The following RIMS2 variants were observed in gnomAD, a reference collection of about 807,000 sequenced individuals.
The protein encoded by RIMS2 is regulating synaptic membrane exocytosis protein 2.
Under a neutral mutation model 174.4 loss-of-function variants are expected in RIMS2, and 59 were observed. The ratio of observed to expected loss-of-function variants is 0.34; its 90% confidence interval spans 0.27 to 0.42. RIMS2 has a LOEUF of 0.42. Among genes scored for constraint, RIMS2 ranks in the 10% least tolerant of loss-of-function variants. The probability of loss-of-function intolerance (pLI) is 1.00; values close to 1 mark genes in which losing one functional copy is unlikely to be tolerated. For synonymous variants in RIMS2, 606 were observed against 572.5 expected (o/e 1.06, Z -0.84); for missense variants, 1,620 against 1,666.3 (o/e 0.97, Z 0.48).
At chr8:103,868,618 A>AT (rs1195985559) in intron 3 of RIMS2, among the ~76,000 whole-genome samples, 1 of 152,168 alleles carries the variant, frequency 6.6e-6, no homozygotes, top group African/African-American at 2.4e-5. Flanking sequence ...GTTTGGTTAA[A>AT]TTTTTTTCAT....
At chr8:103,819,395 G>A in intron 3 of RIMS2, 1 of 1,572,368 alleles carries the variant, frequency 6.4e-7, no homozygotes, top group Non-Finnish European at 8.5e-7. Flanking sequence ...ACAGAGCTCA[G>A]GAGAAATATG....
At chr8:103,795,903 A>G (rs2154447283) in intron 3 of RIMS2, among the ~76,000 whole-genome samples, 1 of 152,316 alleles carries the variant, frequency 6.6e-6, no homozygotes, top group East Asian at 1.9e-4. Flanking sequence ...AATATTTCAA[A>G]ATCGAGACAT....
intron 4 of RIMS2, among the ~76,000 whole-genome samples, chr8:103,905,566 G>C (rs890723715): frequency 6.6e-6 from 1 of 151,562 alleles, no homozygotes; most frequent in Non-Finnish European, 1.5e-5. Context: ...GATATCTTTG[G>C]GTATTGTTTG....
At chr8:103,965,032 A>C (rs2091427110) in intron 15 of RIMS2, among the ~76,000 whole-genome samples, 1 of 152,192 alleles carries the variant, frequency 6.6e-6, no homozygotes, top group African/African-American at 2.4e-5. Flanking sequence ...TCGTTGACCA[A>C]AGAGTACCAC....
chr8:103,648,551 T>A (rs139613094), intron 1 of RIMS2, among the ~76,000 whole-genome samples: 211 of 152,284 alleles, frequency 1.4e-3, no homozygotes, highest in African/African-American at 4.7e-3. Flanking sequence ...TGTTAAAGTC[T>A]CCCACTATTA....
Position 104,247,695 on chromosome 8 carries a change from T to G in RIMS2, c.3477-1006T>G, listed in dbSNP as rs534472790. On this transcript the variant is annotated intron_variant, in intron 20 of 23. Transcript: ENST00000504942. Reference sequence around the variant, plus strand: ...AGAGTTTGGATTTTTTGTTTGTGTGTTTGCAGTCGGGGGACAGGAGCATGG... The same window carrying G: ...AGAGTTTGGATTTTTTGTTTGTGTGGTTGCAGTCGGGGGACAGGAGCATGG... Among the ~76,000 whole-genome samples the G allele has an allele frequency of 2.0e-5, 3 of 152,274 alleles. No homozygotes were observed. The South Asian group carries it at 6.2e-4, about 32-fold the overall frequency.
At chr8:103,502,640 T>C (rs952491019) in intron 1 of RIMS2, among the ~76,000 whole-genome samples, 8 of 152,124 alleles carry the variant, frequency 5.3e-5, no homozygotes, top group Non-Finnish European at 1.0e-4. Context: ...TGCTTAACTT[T>C]TTTTTTGTAT....
chr8:104,133,056 G>A (rs2098485579), intron 19 of RIMS2, among the ~76,000 whole-genome samples: 1 of 152,148 alleles, frequency 6.6e-6, no homozygotes, highest in South Asian at 2.1e-4. Context: ...GGTAAAGTTG[G>A]TAACTAAAAA....
At chr8:103,928,945 T>C (rs1057507125) in intron 11 of RIMS2, among the ~76,000 whole-genome samples, 1 of 151,552 alleles carries the variant, frequency 6.6e-6, no homozygotes, top group African/African-American at 2.4e-5. Flanking sequence ...TGTTATAAAG[T>C]GATGTACCTA....
intron 1 of RIMS2, among the ~76,000 whole-genome samples, chr8:103,688,896 G>A (rs2096976543): frequency 6.6e-6 from 1 of 151,426 alleles, no homozygotes; most frequent in African/African-American, 2.4e-5. Context: ...ACTAACTTTG[G>A]GCTTAGTTTG....
At chr8:104,217,306 T>C (rs2099134840) in intron 19 of RIMS2, among the ~76,000 whole-genome samples, 1 of 152,102 alleles carries the variant, frequency 6.6e-6, no homozygotes, top group Non-Finnish European at 1.5e-5. Flanking sequence ...TCCTGCTTTG[T>C]TACCCAGGCT....
chr8:103,579,801 C>T (rs1158146027), intron 1 of RIMS2, among the ~76,000 whole-genome samples: 2 of 152,274 alleles, frequency 1.3e-5, no homozygotes, highest in East Asian at 1.9e-4. Context: ...ACTCACAGTT[C>T]TGCAGGCTGT....
At chr8:104,114,963 T>C (rs948410170) in intron 19 of RIMS2, among the ~76,000 whole-genome samples, 2 of 152,208 alleles carry the variant, frequency 1.3e-5, no homozygotes, top group African/African-American at 4.8e-5. Context: ...CAATATTTCT[T>C]TGTAAATTGA....
At chr8:104,131,837 T>C (rs1003067984) in intron 19 of RIMS2, among the ~76,000 whole-genome samples, 2 of 152,152 alleles carry the variant, frequency 1.3e-5, no homozygotes, top group African/African-American at 4.8e-5. Context: ...TTCTGGCAAA[T>C]ACCTTTATGT....
chr8:104,098,275 A>G (rs1288666939), intron 19 of RIMS2, among the ~76,000 whole-genome samples: 1 of 152,154 alleles, frequency 6.6e-6, no homozygotes, highest in Non-Finnish European at 1.5e-5. Flanking sequence ...ATGAAATTAA[A>G]CATGTTAAAA....
rs1353852200 is a variant in RIMS2, at chr8:104,218,461, G to A, written c.3335-26455G>A. On this transcript the variant is annotated intron_variant, in intron 19 of 23. Coordinates refer to ENST00000504942, the Ensembl canonical transcript of RIMS2. ...TCGAAGACAGTTCTTCCACAGACCA[G>A]GAGCAAGGGATGGTTTCAGGATGAT... Among the ~76,000 whole-genome samples, 5 of 152,166 alleles carry A rather than the reference G, an allele frequency of 3.3e-5. No individual in the cohort carries two copies. The South Asian group carries it at 1.0e-3, about 32-fold the overall frequency.
chr8:103,579,752 A>G (rs1310197627), intron 1 of RIMS2, among the ~76,000 whole-genome samples: 3 of 152,236 alleles, frequency 2.0e-5, no homozygotes, highest in Admixed American at 6.5e-5. Flanking sequence ...TCACACTGCT[A>G]TAAAGAACTA....
chr8:103,614,991 C>G (rs999617618), intron 1 of RIMS2, among the ~76,000 whole-genome samples: 1 of 152,180 alleles, frequency 6.6e-6, no homozygotes, highest in South Asian at 2.1e-4. Context: ...TTACATTTCT[C>G]TGTTTCACAT....
intron 2 of RIMS2, among the ~76,000 whole-genome samples, chr8:103,702,725 T>C (rs2097179696): frequency 6.6e-6 from 1 of 152,100 alleles, no homozygotes; most frequent in East Asian, 1.9e-4. Flanking sequence ...GTAGATGCAT[T>C]GATTTATTTC....
Sources: allele counts gnomAD v4.1 joint callset (sites outside exome capture counted in the v4.1 genomes callset), GRCh38; gene constraint gnomAD v4.1.1; transcripts MANE v1.5; gene names NCBI Gene and HGNC (gene_info 2026-07-23, HGNC 2026-07-21).